UBE2U: variants seen among roughly 807,000 people sequenced by gnomAD.
UBE2U encodes ubiquitin-conjugating enzyme E2 U.
Under a neutral mutation model 41.2 loss-of-function variants are expected in UBE2U, and 39 were observed. The observed-to-expected ratio is 0.95, with a 90% CI of 0.73 to 1.24. The LOEUF is 1.24. Among genes scored for constraint, UBE2U ranks in the 50% most tolerant of loss-of-function variants. The probability of loss-of-function intolerance (pLI) is 0.00; values close to 1 mark genes in which losing one functional copy is unlikely to be tolerated. For synonymous variants in UBE2U, 107 were observed against 117.8 expected (o/e 0.91, Z 0.60); for missense variants, 336 against 363.1 (o/e 0.93, Z 0.61).
At chr1:64,247,790 G>A (rs1644945269) in intron 8 of UBE2U, among the ~76,000 whole-genome samples, 1 of 151,246 alleles carries the variant, frequency 6.6e-6, no homozygotes, top group African/African-American at 2.4e-5. Context: ...TTTGAGCCCA[G>A]TAGGTCGAGG....
rs371950268 is a variant in UBE2U, at chr1:64,250,021, G to C, written c.677+8288G>C. 2.4e-3 allele frequency among the ~76,000 whole-genome samples: 360 copies of C among 151,996 alleles called. 1 individual carries two copies. The highest frequency in any genetic ancestry group is 8.5e-3 in the African/African-American group (351 of 41,496). ...GAAAAATCTTAAAAGTAGCAAAGGA[G>C]AAAAAGAAACCCCACATGTTACACA... On this transcript the variant is annotated intron_variant, in intron 8 of 9. Coordinates refer to ENST00000371077, the MANE Select transcript of UBE2U (RefSeq NM_001366232.2).
intron 6 of UBE2U, among the ~76,000 whole-genome samples, chr1:64,222,101 A>AC (rs1652525448): frequency 6.6e-6 from 1 of 151,490 alleles, no homozygotes; most frequent in African/African-American, 2.4e-5. Flanking sequence ...CAAAAAAAAA[A>AC]AAAAAAAACA....
intron 5 of UBE2U, 94 bp from the exon 6 acceptor site, chr1:64,220,765 T>C: frequency 3.2e-6 from 3 of 938,842 alleles, no homozygotes; most frequent in Non-Finnish European, 5.0e-6. Context: ...TATTCCTTTA[T>C]TACCATTTTA....
intron 6 of UBE2U, among the ~76,000 whole-genome samples, chr1:64,227,469 A>G: frequency 6.6e-6 from 1 of 152,200 alleles, no homozygotes; most frequent in Non-Finnish European, 1.5e-5. Flanking sequence ...CTATGTTTCT[A>G]TATACTCATA....
In UBE2U at chr1:64,232,645, T is replaced by A. The variant is rs1238363996; in HGVS notation, c.591T>A (p.Thr197=). The part of the protein sequence containing the change: ...ATSKATEYYR[T]PLLKVPNFIG... ...CAAAAGCCACAGAATACTACAGAAC[T>A]CCATGTAAGGTGAACTATCCTTATC... The change falls in exon 7 of 10, where the codon ACT becomes ACA. Residue 197 remains threonine (T), a synonymous_variant. Transcript: ENST00000371077. 6.2e-7 allele frequency: 1 copy of A among 1,609,956 alleles called. No individual in the cohort carries two copies. The highest frequency in any genetic ancestry group is 8.5e-7 in the Non-Finnish European group (1 of 1,177,072).
At chr1:64,230,210 G>A (rs946405939) in intron 6 of UBE2U, among the ~76,000 whole-genome samples, 30 of 152,218 alleles carry the variant, frequency 2.0e-4, no homozygotes, top group African/African-American at 7.2e-4. Flanking sequence ...GAATTACTGC[G>A]TTTGTTTCCT....
In UBE2U at chr1:64,204,063, G is replaced by A. The variant is rs1651136020; in HGVS notation, c.13G>A (p.Ala5Thr). The stretch of plus-strand genomic sequence containing the variant: ...TCCGCTGCCTATCATGCACGGCAGA[G>A]CTTACCTCTTGCTGCACAGAGACTT... The part of the protein sequence containing the change: MHGR[A>T]YLLLHRDFCD... Residue 5 changes from alanine (A) to threonine (T), a missense_variant, in exon 1 of 10, where the codon GCT becomes ACT. By Grantham distance (58) the Ala-to-Thr change is moderately conservative. Transcript: ENST00000371077. 1 of 1,613,952 alleles carries A rather than the reference G, an allele frequency of 6.2e-7. No individual in the cohort carries two copies. The highest frequency in any genetic ancestry group is 8.5e-7 in the Non-Finnish European group (1 of 1,179,910).
intron 8 of UBE2U, among the ~76,000 whole-genome samples, chr1:64,247,536 G>A (rs1644941566): frequency 6.6e-6 from 1 of 152,074 alleles, no homozygotes; most frequent in South Asian, 2.1e-4. Context: ...GGATAAGTAA[G>A]TTCTCCATTA....
In UBE2U at chr1:64,247,708, T is replaced by G. The variant is rs545518860; in HGVS notation, c.677+5975T>G. On this transcript the variant is annotated intron_variant, in intron 8 of 9. Transcript: ENST00000371077. ...GTGAGACCTCATCTCTACAAAAAAT[T>G]AAAAACTTAGCCAGGCATAATGGCA... is the stretch of plus-strand genomic sequence containing the variant. 4.0e-5 allele frequency among the ~76,000 whole-genome samples: 6 copies of G among 151,890 alleles called. No individual in the cohort carries two copies. In the East Asian group the frequency reaches 1.2e-3, roughly 30 times the overall value.
intron 3 of UBE2U, 60 bp downstream of exon 3, chr1:64,206,916 A>G: frequency 1.0e-6 from 1 of 957,132 alleles, no homozygotes; most frequent in South Asian, 1.5e-5. Context: ...CTTGTTTCTT[A>G]TAATAATCAT....
At chr1:64,263,042 G>GA (rs113489534) in intron 9 of UBE2U, among the ~76,000 whole-genome samples, 33,835 of 152,058 alleles carry the variant, frequency 0.22, 3,980 homozygotes, top group Middle Eastern at 0.35. Flanking sequence ...AAAAAAAGGT[G>GA]AAAACCCATG....
intron 5 of UBE2U, 77 bp from the exon 6 acceptor site, chr1:64,220,782 C>A: frequency 1.9e-6 from 2 of 1,052,124 alleles, no homozygotes; most frequent in Non-Finnish European, 1.4e-6. Flanking sequence ...TTTATTGAGG[C>A]TTTGGAAATA....
intron 8 of UBE2U, among the ~76,000 whole-genome samples, chr1:64,242,902 C>T (rs544400024): frequency 4.6e-5 from 7 of 152,216 alleles, no homozygotes; most frequent in African/African-American, 7.2e-5. Flanking sequence ...TTTTCTTTGA[C>T]GTGACTTCCT....
At position 64,233,859 on chromosome 1, in the gene UBE2U, A is replaced by G. The variant is rs182539974; in HGVS notation, c.595+1210A>G. ...CTAAAATGGTGCATTCTGCAGTAGC[A>G]GAGACTTCTGAATTCCCAGATGCAG... On this transcript the variant is annotated intron_variant, in intron 7 of 9. Coordinates refer to ENST00000371077, the MANE Select transcript of UBE2U (RefSeq NM_001366232.2). Among the ~76,000 whole-genome samples, 8 of 152,358 alleles carry G rather than the reference A, an allele frequency of 5.3e-5. No homozygotes were observed. The East Asian group carries it at 1.2e-3, about 22-fold the overall frequency.
At position 64,205,678 on chromosome 1, in the gene UBE2U, T is replaced by C; in HGVS notation, c.106T>C (p.Trp36Arg). The change falls in exon 2 of 10, where the codon TGG becomes CGG. Residue 36 changes from tryptophan (W) to arginine (R), a missense_variant. By Grantham distance (101) the Trp-to-Arg change is moderately radical (BLOSUM62 -3). Coordinates refer to ENST00000371077, the MANE Select transcript of UBE2U (RefSeq NM_001366232.2). Reference protein sequence around the residue: ...AKPVSEDMMEWEVEIEGLQNS... With the variant: ...AKPVSEDMMEREVEIEGLQNS... ...GCCTGTAAGTGAAGATATGATGGAA[T>C]GGGAAGTTGAAATTGAAGGTCTACA... 1 of 1,613,362 alleles carries C rather than the reference T, an allele frequency of 6.2e-7. No homozygotes were observed. The highest frequency in any genetic ancestry group is 1.1e-5 in the South Asian group (1 of 90,978).
At chr1:64,206,624 C>A in intron 2 of UBE2U, 140 bp from the exon 3 acceptor site, 1 of 582,886 alleles carries the variant, frequency 1.7e-6, no homozygotes, top group Non-Finnish European at 3.1e-6. Flanking sequence ...CCAGAGGAGT[C>A]GGTGCACTCT....
intron 7 of UBE2U, among the ~76,000 whole-genome samples, chr1:64,239,163 G>GAA (rs1195307740): frequency 2.7e-5 from 2 of 72,970 alleles, no homozygotes; most frequent in African/African-American, 1.2e-4. Flanking sequence ...GAAGAAAGAA[G>GAA]AAGAAGAAGA....
At chr1:64,260,489 GC>G in intron 8 of UBE2U, 113 bp from the exon 9 acceptor site, 1 of 743,706 alleles carries the variant, frequency 1.3e-6, no homozygotes, top group Non-Finnish European at 2.1e-6. Flanking sequence ...CATATTCAAA[GC>G]CTATTGTTCT....
Position 64,206,917 on chromosome 1 carries a change from T to C in UBE2U, c.241+61T>C, listed in dbSNP as rs192241843. The C allele has an allele frequency of 3.2e-3, 3,036 of 958,784 alleles. 71 individuals are homozygous for C. In the South Asian group the frequency reaches 0.035, roughly 11 times the overall value. The allele number at this position is 958,784 out of a possible 1,614,324, so 59.4% of individuals were successfully genotyped here. Reference sequence around the variant, plus strand: ...TTGTCCCTATTATCCTTGTTTCTTATAATAATCATGTTTCTTTTTAAGAAC... The same window carrying C: ...TTGTCCCTATTATCCTTGTTTCTTACAATAATCATGTTTCTTTTTAAGAAC... On this transcript the variant is annotated intron_variant, in intron 3 of 9. Transcript: ENST00000371077.
Sources: allele counts gnomAD v4.1 joint callset (sites outside exome capture counted in the v4.1 genomes callset), GRCh38; gene constraint gnomAD v4.1.1; transcripts MANE v1.5; gene names NCBI Gene and HGNC (gene_info 2026-07-23, HGNC 2026-07-21).